The following IHO1 variants were observed in gnomAD, a reference collection of about 807,000 sequenced individuals.
IHO1 encodes interactor of HORMAD1 1.
IHO1 carries 13 observed loss-of-function variants against 31.0 expected under a neutral mutation model. That is an observed-to-expected ratio of 0.42 (90% CI 0.27 to 0.67). IHO1 has a LOEUF of 0.67. Among genes scored for constraint, IHO1 ranks in the 30% least tolerant of loss-of-function variants. The pLI is 0.24. For missense variants in IHO1, 599 were observed against 687.5 expected (o/e 0.87, Z 1.44); for synonymous variants, 221 against 248.4 (o/e 0.89, Z 1.04).
chr3:49,208,899 CCATACTT>C (rs1239467305), intron 1 of IHO1, among the ~76,000 whole-genome samples: 2 of 152,250 alleles, frequency 1.3e-5, no homozygotes, highest in South Asian at 2.1e-4. Flanking sequence ...TTGGAAAACT[CCATACTT>C]CATAGAAAGT....
At chr3:49,232,813 T>A (rs1363196876) in intron 2 of IHO1, among the ~76,000 whole-genome samples, 1 of 152,192 alleles carries the variant, frequency 6.6e-6, no homozygotes, top group African/African-American at 2.4e-5. Flanking sequence ...CCATGAGTAT[T>A]CCTTCAACAA....
intron 1 of IHO1, among the ~76,000 whole-genome samples, chr3:49,208,210 A>G (rs1410694310): frequency 1.3e-5 from 2 of 152,324 alleles, no homozygotes; most frequent in Middle Eastern, 3.4e-3. Flanking sequence ...GCAGACCTCC[A>G]TTACAATGCA....
At chr3:49,213,746 G>C (rs570502528) in intron 2 of IHO1, among the ~76,000 whole-genome samples, 42 of 152,356 alleles carry the variant, frequency 2.8e-4, no homozygotes, top group Admixed American at 2.7e-3. Context: ...TGCAGGGCCT[G>C]CCAAGCCCAT....
At chr3:49,237,887 C>CTTTTTTTTTTTTTTTTTTTTTT in intron 3 of IHO1, among the ~76,000 whole-genome samples, 1 of 51,414 alleles carries the variant, frequency 1.9e-5, no homozygotes, top group Non-Finnish European at 3.3e-5. Flanking sequence ...CTGTCTTTTC[C>CTTTTTTTTTTTTTTTTTTTTTT]TTTTTTTTTT....
At chr3:49,239,242 G>A (rs1338122072) in intron 3 of IHO1, among the ~76,000 whole-genome samples, 2 of 152,022 alleles carry the variant, frequency 1.3e-5, no homozygotes, top group Non-Finnish European at 1.5e-5. Flanking sequence ...AAAGTGCTGG[G>A]ATTACAGGTG....
intron 6 of IHO1, among the ~76,000 whole-genome samples, chr3:49,247,492 A>G (rs1490130404): frequency 1.3e-5 from 2 of 150,364 alleles, no homozygotes; most frequent in Non-Finnish European, 3.0e-5. Context: ...TCGGCCTCCC[A>G]AAGTGCTGGG....
chr3:49,235,890 A>G (rs1280006215), intron 2 of IHO1, among the ~76,000 whole-genome samples: 2 of 147,704 alleles, frequency 1.4e-5, no homozygotes, highest in African/African-American at 5.0e-5. Flanking sequence ...AGATTGCACC[A>G]CTGCATGCCA....
chr3:49,213,642 C>T (rs2046249979), intron 2 of IHO1, among the ~76,000 whole-genome samples: 1 of 152,224 alleles, frequency 6.6e-6, no homozygotes, highest in African/African-American at 2.4e-5. Context: ...TGGGCCGGCA[C>T]TGCTGGAGGA....
intron 1 of IHO1, among the ~76,000 whole-genome samples, chr3:49,208,420 G>A (rs551595196): frequency 1.3e-5 from 2 of 152,296 alleles, no homozygotes; most frequent in African/African-American, 4.8e-5. Context: ...ACATGCAAGG[G>A]ATCTAGGTTG....
intron 2 of IHO1, among the ~76,000 whole-genome samples, chr3:49,215,431 T>A (rs1410984218): frequency 6.6e-6 from 1 of 152,192 alleles, no homozygotes. Context: ...AGCTAATTAT[T>A]CTCTTTGGCC....
intron 4 of IHO1, 117 bp from the exon 5 acceptor site, chr3:49,244,287 A>G (rs1449478981): frequency 5.7e-6 from 4 of 698,794 alleles, no homozygotes; most frequent in Admixed American, 2.8e-5. Flanking sequence ...AGATCTAATC[A>G]AGCAATGTTT....
chr3:49,216,710 T>C (rs2046290838), intron 2 of IHO1, among the ~76,000 whole-genome samples: 1 of 152,042 alleles, frequency 6.6e-6, no homozygotes. Context: ...ACAGGCACCC[T>C]ACGGAATGGG....
chr3:49,241,491 G>T, intron 4 of IHO1, 102 bp downstream of exon 4: 2 of 1,093,328 alleles, frequency 1.8e-6, no homozygotes, highest in Non-Finnish European at 1.3e-6. Context: ...ATAATAGCAT[G>T]TATTAGAGTT....
chr3:49,255,455 G>A lies in IHO1; in HGVS notation c.598G>A (p.Glu200Lys), dbSNP rs1336810060. The A allele has an allele frequency of 6.2e-7, 1 of 1,606,036 alleles. No individual in the cohort carries two copies. The highest frequency in any genetic ancestry group is 1.8e-5 in the Admixed American group (1 of 57,084). The change falls in exon 7 of 8, where the codon GAG becomes AAG. Residue 200 changes from glutamate (E) to lysine (K), a missense_variant. Coordinates refer to ENST00000452691, the MANE Select transcript of IHO1 (RefSeq NM_001135197.2). ...FEAVQDKGNMEQAILEMKKRF... is the reference protein window; with the variant it reads ...FEAVQDKGNMKQAILEMKKRF... ...GGCAGTCCAGGACAAAGGCAACATGGAGCAGGCCATCCTTGAGATGAAGAA... is the reference window on the plus strand; with the variant it reads ...GGCAGTCCAGGACAAAGGCAACATGAAGCAGGCCATCCTTGAGATGAAGAA...
intron 2 of IHO1, among the ~76,000 whole-genome samples, chr3:49,218,384 T>C (rs549596930): frequency 1.4e-5 from 2 of 146,230 alleles, no homozygotes; most frequent in East Asian, 4.0e-4. Flanking sequence ...ACCTTTTTTT[T>C]TTTTTTTTTT....
chr3:49,213,498 C>T (rs1439724912), intron 2 of IHO1, among the ~76,000 whole-genome samples: 7 of 152,366 alleles, frequency 4.6e-5, no homozygotes, highest in East Asian at 1.9e-4. Context: ...GCACTGGGGC[C>T]GCAGGCGGAG....
At chr3:49,235,005 C>T (rs1437299988) in intron 2 of IHO1, among the ~76,000 whole-genome samples, 2 of 151,878 alleles carry the variant, frequency 1.3e-5, no homozygotes, top group African/African-American at 4.8e-5. Flanking sequence ...TGCCACCATA[C>T]CCAGCTAATT....
intron 2 of IHO1, among the ~76,000 whole-genome samples, chr3:49,220,724 C>T (rs531966006): frequency 2.0e-5 from 3 of 151,986 alleles, no homozygotes; most frequent in Admixed American, 6.6e-5. Flanking sequence ...AAAAATTAGC[C>T]GGGCGTGGTG....
chr3:49,241,347 A>T lies in IHO1; in HGVS notation c.353A>T (p.Gln118Leu). Reference sequence around the variant, plus strand: ...GGAAAATCAAAAGGCCTCTTGGAACAGTTTGAGGAGAAAAAGAAAAGGGCA... The same window carrying T: ...GGAAAATCAAAAGGCCTCTTGGAACTGTTTGAGGAGAAAAAGAAAAGGGCA... ...SVGKSKGLLEQFEEKKKRAKD... is the reference protein window; with the variant it reads ...SVGKSKGLLELFEEKKKRAKD... Residue 118 changes from glutamine (Q) to leucine (L), a missense_variant, in exon 4 of 8, where the codon CAG becomes CTG. Gln to Leu is a moderately radical substitution (Grantham distance 113). Coordinates refer to ENST00000452691, the MANE Select transcript of IHO1 (RefSeq NM_001135197.2). 1 of 1,612,290 alleles carries T rather than the reference A, an allele frequency of 6.2e-7. No individual in the cohort carries two copies. Among genetic ancestry groups the T allele is most frequent in the Non-Finnish European group, 8.5e-7 (1 of 1,179,406 alleles).
Sources: allele counts gnomAD v4.1 joint callset (sites outside exome capture counted in the v4.1 genomes callset), GRCh38; gene constraint gnomAD v4.1.1; transcripts MANE v1.5; gene names NCBI Gene and HGNC (gene_info 2026-07-23, HGNC 2026-07-21).